Variants in GON4L observed in about 807,000 individuals in gnomAD.
The protein encoded by GON4L is gon-4 like, also known as GON-4-like protein.
In GON4L, 87 loss-of-function variants were observed where a neutral mutation model predicts 211.8. That is an observed-to-expected ratio of 0.41 (90% confidence interval 0.35 to 0.49). The LOEUF (loss-of-function observed/expected upper bound fraction) is 0.49. GON4L is among the 20% of genes least tolerant of loss of function. The pLI is 0.15. For synonymous variants in GON4L, 875 were observed against 962.6 expected, an observed-to-expected ratio of 0.91 and a Z score of 1.68; for missense variants, 2,155 against 2,659.5, an observed-to-expected ratio of 0.81 and a Z score of 4.17.
At chr1:155,827,604 T>C (rs1187030383) in intron 2 of GON4L, among the ~76,000 whole-genome samples, 5 of 151,902 alleles carry the variant, frequency 3.3e-5, no homozygotes, top group Non-Finnish European at 5.9e-5. Context: ...GAGGATGGCT[T>C]GAGGCCAGGA....
chr1:155,794,964 C>T, intron 12 of GON4L, 86 bp downstream of exon 12: 1 of 808,760 alleles, frequency 1.2e-6, no homozygotes, highest in South Asian at 1.3e-5. Flanking sequence ...GGATGAGCTG[C>T]AAACTTCACC....
chr1:155,854,402 G>T (rs995135268), intron 1 of GON4L, among the ~76,000 whole-genome samples: 1 of 152,092 alleles, frequency 6.6e-6, no homozygotes, highest in African/African-American at 2.4e-5. Context: ...AGATCCACCC[G>T]CCTCGGCCTC....
At chr1:155,763,260 G>A in intron 22 of GON4L, 52 bp downstream of exon 22, 1 of 1,578,484 alleles carries the variant, frequency 6.3e-7, no homozygotes, top group East Asian at 2.2e-5. Context: ...CTGTCCTCTA[G>A]ACAATGAGGT....
chr1:155,769,869 G>A (rs1430740474), intron 19 of GON4L, among the ~76,000 whole-genome samples: 1 of 151,840 alleles, frequency 6.6e-6, no homozygotes, highest in Admixed American at 6.6e-5. Flanking sequence ...GAGGAGACAG[G>A]TAAATCCTCA....
At chr1:155,802,878 C>T (rs1478951387) in intron 11 of GON4L, among the ~76,000 whole-genome samples, 2 of 152,078 alleles carry the variant, frequency 1.3e-5, no homozygotes, top group African/African-American at 2.4e-5. Context: ...ATTGCTTGCG[C>T]CAAGGAGGTC....
At chr1:155,856,832 C>G (rs1226486032) in intron 1 of GON4L, among the ~76,000 whole-genome samples, 1 of 152,206 alleles carries the variant, frequency 6.6e-6, no homozygotes. Context: ...ACCTCAAACA[C>G]AGCAGTAGCT....
intron 5 of GON4L, 146 bp from the exon 6 acceptor site, chr1:155,820,802 G>A (rs1668660877): frequency 1.5e-6 from 1 of 669,582 alleles, no homozygotes; most frequent in Non-Finnish European, 2.7e-6. Context: ...GCAACAGAGT[G>A]AGACACCCTC....
At chr1:155,828,545 G>T (rs747926093) in intron 2 of GON4L, among the ~76,000 whole-genome samples, 3 of 151,356 alleles carry the variant, frequency 2.0e-5, no homozygotes, top group Non-Finnish European at 2.9e-5. Context: ...AGTGGCTCAC[G>T]CCTGTAATCT....
At chr1:155,847,805 C>T (rs1247396479) in intron 2 of GON4L, among the ~76,000 whole-genome samples, 2 of 151,924 alleles carry the variant, frequency 1.3e-5, no homozygotes, top group African/African-American at 4.8e-5. Flanking sequence ...ACCCAGGAGG[C>T]GGGGGTTGCG....
chr1:155,760,374 C>A, intron 24 of GON4L, 70 bp downstream of exon 24: 1 of 941,604 alleles, frequency 1.1e-6, no homozygotes, highest in Non-Finnish European at 1.7e-6. Flanking sequence ...GAGTCTTATT[C>A]AACCCCATTC....
chr1:155,745,629 G>A (rs1205478717), downstream of GON4L, among the ~76,000 whole-genome samples: 2 of 152,230 alleles, frequency 1.3e-5, no homozygotes, highest in Non-Finnish European at 2.9e-5. Context: ...GCCTCTCGCG[G>A]CAACCACAGA....
rs1204521713 is a variant in GON4L at position 155,826,848 on chromosome 1, A to G, written c.686T>C (p.Phe229Ser). 3.0e-5 allele frequency: 48 copies of G among 1,608,650 alleles called. No homozygotes were observed. The highest frequency in any genetic ancestry group is 4.0e-5 in the Non-Finnish European group (47 of 1,175,410). ...AAAAGAAAGCCTACCCATTGGAATGAAGAGTCCACCATCTTCTATCTCTTC... is the reference window on the plus strand; with the variant it reads ...AAAAGAAAGCCTACCCATTGGAATGGAGAGTCCACCATCTTCTATCTCTTC... The part of the protein sequence containing the change: ...PEEEIEDGGL[F>S]IPMEEQDNEE... Residue 229 changes from phenylalanine to serine, a missense_variant, in exon 3 of 32, where the codon TTC (phenylalanine) becomes TCC (serine). Transcript: ENST00000368331.
At chr1:155,814,862 C>T (rs966761877) in intron 8 of GON4L, among the ~76,000 whole-genome samples, 3 of 152,006 alleles carry the variant, frequency 2.0e-5, no homozygotes, top group East Asian at 3.9e-4. Flanking sequence ...CCTGTAATCC[C>T]AGCACTTTGG....
chr1:155,803,289 G>GGCTGGA (rs1182224191), intron 11 of GON4L, among the ~76,000 whole-genome samples: 1 of 148,876 alleles, frequency 6.7e-6, no homozygotes, highest in Non-Finnish European at 1.5e-5. Flanking sequence ...TCTGTTGCCA[G>GGCTGGA]GCTGGAGCGC....
chr1:155,815,836 T>A lies in GON4L; in HGVS notation c.1130A>T (p.Asp377Val), dbSNP rs767462250. 1 of 1,607,644 alleles carries A rather than the reference T, an allele frequency of 6.2e-7. No individual in the cohort carries two copies. The highest frequency in any genetic ancestry group is 8.5e-7 in the Non-Finnish European group (1 of 1,174,296). Reference sequence around the variant, plus strand: ...AGCAGTTTCATCTTCTTCTTCATCATCCGGCTGGTATTCTTCATCTGAGGA... The same window carrying A: ...AGCAGTTTCATCTTCTTCTTCATCAACCGGCTGGTATTCTTCATCTGAGGA... ...DDSSDEEYQP[D>V]DEEEDETAEE... is the part of the protein sequence containing the mutation. Residue 377 changes from aspartate to valine, a missense_variant, in exon 8 of 32, where the codon GAT (aspartate) becomes GTT (valine). Coordinates refer to ENST00000368331, the MANE Select transcript of GON4L (RefSeq NM_001282860.2).
chr1:155,813,364 G>A (rs774463011), intron 10 of GON4L, among the ~76,000 whole-genome samples: 6 of 151,962 alleles, frequency 3.9e-5, no homozygotes, highest in Non-Finnish European at 7.4e-5. Flanking sequence ...TCTGGGAGGC[G>A]GAGGTTGCAG....
chr1:155,761,460 G>A (rs1192602258), intron 23 of GON4L, among the ~76,000 whole-genome samples: 1 of 151,158 alleles, frequency 6.6e-6, no homozygotes, highest in African/African-American at 2.4e-5. Flanking sequence ...CAAAGTGCTG[G>A]CATTATATGC....
intron 9 of GON4L, 24 bp from the exon 10 acceptor site, chr1:155,813,828 CA>C: frequency 1.2e-6 from 2 of 1,600,764 alleles, no homozygotes; most frequent in Non-Finnish European, 1.7e-6. Flanking sequence ...GTGACTGCAT[CA>C]AAAAAGGAAG....
At chr1:155,858,833 A>C (rs1176181308), upstream of GON4L, among the ~76,000 whole-genome samples, 2 of 151,312 alleles carry the variant, frequency 1.3e-5, no homozygotes, top group Non-Finnish European at 2.9e-5. Flanking sequence ...CAGCCTCCCA[A>C]GTAGCGTGTG....
Sources: allele counts gnomAD v4.1 joint callset (sites outside exome capture counted in the v4.1 genomes callset), GRCh38; gene constraint gnomAD v4.1.1; transcripts MANE v1.5; gene names NCBI Gene and HGNC (gene_info 2026-07-23, HGNC 2026-07-21).